Variants in SH3BP4 observed in about 807,000 individuals in gnomAD.
The protein encoded by SH3BP4 is SH3 domain binding protein 4.
A neutral mutation model predicts 65.5 loss-of-function variants in SH3BP4; 33 were observed. That is an observed-to-expected ratio of 0.50 (90% CI 0.38 to 0.67). The LOEUF (loss-of-function observed/expected upper bound fraction) is 0.67, where lower values mean the gene tolerates loss of function less well. Ranked by LOEUF, SH3BP4 falls within the 30% of genes least tolerant of loss-of-function variation. SH3BP4 has a pLI of 0.00. For synonymous variants in SH3BP4, 552 were observed against 545.5 expected (o/e 1.01, Z -0.17); for missense variants, 1,134 against 1,261.4 (o/e 0.90, Z 1.53).
chr2:234,991,703 G>T lies in SH3BP4; in HGVS notation c.-206-3600G>T, dbSNP rs974042480. 6.6e-6 allele frequency among the ~76,000 whole-genome samples: 1 copy of T among 152,226 alleles called. No individual in the cohort carries two copies. The highest frequency in any genetic ancestry group is 1.5e-5 in the Non-Finnish European group (1 of 68,038). ...CCCTCTTCTCAGCAAGGCGGTCCTT[G>T]TCCAGAGGCCTTGGGCCTCTGGAGA... On this transcript the variant is annotated intron_variant, in intron 1 of 5. Transcript: ENST00000392011. The surrounding 1 kb of genome is among the most constrained non-coding windows in gnomAD (Gnocchi z 4.2).
intron 2 of SH3BP4, among the ~76,000 whole-genome samples, chr2:235,000,602 C>T (rs1694067709): frequency 6.6e-6 from 1 of 152,190 alleles, no homozygotes; most frequent in Non-Finnish European, 1.5e-5. Flanking sequence ...TGGAGGACGT[C>T]AAGCCGCGAT....
chr2:235,016,253 G>C (rs1694681924), intron 2 of SH3BP4, among the ~76,000 whole-genome samples: 1 of 152,068 alleles, frequency 6.6e-6, no homozygotes, highest in South Asian at 2.1e-4. Flanking sequence ...CCAAAAACAC[G>C]AGGCACATCT....
At chr2:235,016,933 T>G (rs1694701635) in intron 2 of SH3BP4, among the ~76,000 whole-genome samples, 1 of 152,044 alleles carries the variant, frequency 6.6e-6, no homozygotes, top group African/African-American at 2.4e-5. Flanking sequence ...GACACTTCCC[T>G]TGAGAGCAAA....
chr2:235,019,065 C>T (rs1055055173), intron 2 of SH3BP4, among the ~76,000 whole-genome samples: 4 of 152,174 alleles, frequency 2.6e-5, no homozygotes, highest in African/African-American at 4.8e-5. Context: ...GGAACAGTTC[C>T]GTTGTGCACC....
intron 2 of SH3BP4, among the ~76,000 whole-genome samples, chr2:235,028,515 C>T (rs1164543382): frequency 2.0e-5 from 3 of 152,330 alleles, no homozygotes; most frequent in African/African-American, 7.2e-5. Context: ...CCCAGAGATA[C>T]CTACCGAGTT....
chr2:234,995,007 T>G (rs1341651333), intron 1 of SH3BP4: 1 of 152,318 alleles, frequency 6.6e-6, no homozygotes, highest in East Asian at 1.9e-4. Flanking sequence ...GGCCTGGTCA[T>G]TGGGTGCAGG....
chr2:234,964,908 G>A (rs900374728), intron 1 of SH3BP4, among the ~76,000 whole-genome samples: 8 of 152,120 alleles, frequency 5.3e-5, no homozygotes, highest in African/African-American at 1.9e-4. Context: ...ACGCCTGGCA[G>A]GGAGGCTACC....
Position 235,035,204 on chromosome 2 carries a change from G to T in SH3BP4, c.118+84G>T. 1.0e-6 allele frequency: 1 copy of T among 980,008 alleles called. No homozygotes were observed. The highest frequency in any genetic ancestry group is 2.1e-4 in the Middle Eastern group (1 of 4,844). 60.7% of individuals were successfully genotyped at this position (980,008 alleles called of 1,614,324 possible). On this transcript the variant is annotated intron_variant, in intron 3 of 5. Transcript: ENST00000392011. This position sits in a 1 kb window ranked among gnomAD's most constrained non-coding sequence, Gnocchi z 5.0. ...GATCCAAGAACTTTTCTGCTTTAAA[G>T]ATTGCCAGTTTAGCATTCAGATAGT...
At position 235,053,592 on chromosome 2, in the gene SH3BP4, G is replaced by A. The variant is rs1486087508; in HGVS notation, c.2668G>A (p.Ala890Thr). The A allele has an allele frequency of 6.2e-7, 1 of 1,613,004 alleles. No individual in the cohort carries two copies. The highest frequency in any genetic ancestry group is 1.3e-5 in the African/African-American group (1 of 74,844). ...TGTTTTTTACAACTCCACCTCCCAG[G>A]CCATGTGGAAGCCTGCGTATGACTT... ...RDRNGVVDSE[A>T]MWKPAYDFLL... is the part of the protein sequence containing the mutation. Residue 890 changes from alanine (A) to threonine (T), a missense_variant and splice_region_variant, in exon 6 of 6, where the codon GCC becomes ACC. Transcript: ENST00000392011.
intron 2 of SH3BP4, among the ~76,000 whole-genome samples, chr2:235,020,914 T>C (rs1302247669): frequency 6.6e-6 from 1 of 152,194 alleles, no homozygotes; most frequent in Non-Finnish European, 1.5e-5. Context: ...AGGCAGAGTG[T>C]CCCACCCTCA....
At chr2:235,007,096 C>T (rs932123726) in intron 2 of SH3BP4, among the ~76,000 whole-genome samples, 2 of 149,750 alleles carry the variant, frequency 1.3e-5, no homozygotes, top group East Asian at 2.0e-4. Context: ...TTCCTAGGGT[C>T]GGGTGAGCCC....
rs903784007 is a variant in SH3BP4 at position 234,977,643 on chromosome 2, G to A, written c.-206-17660G>A. 6.6e-6 allele frequency among the ~76,000 whole-genome samples: 1 copy of A among 152,156 alleles called. No homozygotes were observed. The highest frequency in any genetic ancestry group is 2.4e-5 in the African/African-American group (1 of 41,440). On this transcript the variant is annotated intron_variant, in intron 1 of 5. Transcript: ENST00000392011. The surrounding 1 kb of genome is among the most constrained non-coding windows in gnomAD (Gnocchi z 5.1). ...TTAGGGGTGAGTGGATGGAAAACAG[G>A]ATGAGAGTGTCTCTCCCCCAAAGAG...
Position 235,053,867 on chromosome 2 carries a change from T to A in SH3BP4, c.*51T>A. On this transcript the variant is annotated 3_prime_UTR_variant, in exon 6 of 6. Transcript: ENST00000392011. ...CTGGAGTGCAAGCCCTCTTCTGCCC[T>A]GCGTGCCCTGCTGTCACCGCGGAGC... 7.0e-7 allele frequency: 1 copy of A among 1,427,136 alleles called. No individual in the cohort carries two copies. The highest frequency in any genetic ancestry group is 9.9e-7 in the Non-Finnish European group (1 of 1,011,706). 88.4% of individuals were successfully genotyped at this position (1,427,136 alleles called of 1,614,324 possible).
chr2:235,004,893 C>A (rs1437505528), intron 2 of SH3BP4, among the ~76,000 whole-genome samples: 1 of 152,196 alleles, frequency 6.6e-6, no homozygotes, highest in East Asian at 1.9e-4. Flanking sequence ...TTTCCAAGTT[C>A]TTGGAGAGAT....
chr2:235,054,111 A>G lies in SH3BP4; in HGVS notation c.*295A>G. On this transcript the variant is annotated 3_prime_UTR_variant, in exon 6 of 6. Transcript: ENST00000392011. The stretch of plus-strand genomic sequence containing the variant: ...GGAAGGGATCTATGAGAAAGGTGGT[A>G]TCTAATTTTTTTATGGACCATAAAG... The G allele has an allele frequency of 2.9e-6, 1 of 339,116 alleles. No homozygotes were observed. Among genetic ancestry groups the G allele is most frequent in the East Asian group, 5.4e-5 (1 of 18,530 alleles). 21.0% of individuals were successfully genotyped at this position (339,116 alleles called of 1,614,324 possible).
At chr2:234,986,011 G>A (rs942520659) in intron 1 of SH3BP4, among the ~76,000 whole-genome samples, 8 of 150,914 alleles carry the variant, frequency 5.3e-5, no homozygotes, top group African/African-American at 1.5e-4. Flanking sequence ...ACTCATCTAC[G>A]AGAATAGGGT....
At chr2:234,970,042 CTT>C (rs1692946144) in intron 1 of SH3BP4, among the ~76,000 whole-genome samples, 1 of 139,770 alleles carries the variant, frequency 7.2e-6, no homozygotes, top group South Asian at 2.1e-4. Context: ...CACAAATACA[CTT>C]ACTCACACAC....
chr2:234,989,044 T>C (rs1173074283), intron 1 of SH3BP4, among the ~76,000 whole-genome samples: 1 of 152,184 alleles, frequency 6.6e-6, no homozygotes, highest in African/African-American at 2.4e-5. Context: ...TTGATTTTGA[T>C]AGCATGAAGT....
Position 234,996,373 on chromosome 2 carries a change from C to A in SH3BP4, c.-133+997C>A, listed in dbSNP as rs150611666. Among the ~76,000 whole-genome samples, 689 of 152,320 alleles carry A rather than the reference C, an allele frequency of 4.5e-3. 2 individuals are homozygous for A. Among genetic ancestry groups the A allele is most frequent in the South Asian group, 0.013 (64 of 4,830 alleles). Reference sequence around the variant, plus strand: ...TGGATTTTATTTCAACTTCTCCCCCCACCCTTTCTGTCCTGTCTCTTTGTT... The same window carrying A: ...TGGATTTTATTTCAACTTCTCCCCCAACCCTTTCTGTCCTGTCTCTTTGTT... On this transcript the variant is annotated intron_variant, in intron 2 of 5. Transcript: ENST00000392011.
Sources: allele counts gnomAD v4.1 joint callset (sites outside exome capture counted in the v4.1 genomes callset), GRCh38; gene constraint gnomAD v4.1.1; non-coding constraint Gnocchi (gnomAD v3.1); transcripts MANE v1.5; gene names NCBI Gene and HGNC (gene_info 2026-07-23, HGNC 2026-07-21).